Variants in PACSIN1 observed in about 807,000 individuals in gnomAD.
PACSIN1 encodes protein kinase C and casein kinase substrate in neurons 1, also known as protein kinase C and casein kinase substrate in neurons protein 1.
Under a neutral mutation model 59.5 loss-of-function variants are expected in PACSIN1, and 15 were observed. That is an observed-to-expected ratio of 0.25 (90% CI 0.17 to 0.39). PACSIN1 has a LOEUF of 0.39. PACSIN1 is among the 10% of genes least tolerant of loss of function. PACSIN1 has a pLI of 1.00. For missense variants in PACSIN1, 420 were observed against 580.2 expected (o/e 0.72, Z 2.84); for synonymous variants, 210 against 220.6 (o/e 0.95, Z 0.42).
In PACSIN1 at chr6:34,477,420, A is replaced by C. The variant is rs573803548; in HGVS notation, c.-64+11150A>C. Among the ~76,000 whole-genome samples the C allele has an allele frequency of 6.6e-5, 10 of 151,718 alleles. No homozygotes were observed. The East Asian group carries it at 1.4e-3, about 21-fold the overall frequency. ...AAAAAAAGAAGAAAGAAAGAAAGAAAATCATGTCCATCTCACTGTGGGTGT... is the reference window on the plus strand; with the variant it reads ...AAAAAAAGAAGAAAGAAAGAAAGAACATCATGTCCATCTCACTGTGGGTGT... On this transcript the variant is annotated intron_variant, in intron 1 of 9. Transcript: ENST00000244458.
At chr6:34,496,090 T>C (rs1160640341) in intron 1 of PACSIN1, among the ~76,000 whole-genome samples, 1 of 152,172 alleles carries the variant, frequency 6.6e-6, no homozygotes, top group African/African-American at 2.4e-5. Flanking sequence ...AGGCAGCAAG[T>C]TGTGCAGATG....
chr6:34,509,037 T>G (rs537143002), intron 1 of PACSIN1, among the ~76,000 whole-genome samples: 9 of 152,336 alleles, frequency 5.9e-5, no homozygotes, highest in African/African-American at 2.2e-4. Context: ...ATTTGTCTAT[T>G]TTTGTTTTTG....
At chr6:34,480,603 G>A (rs1766703090) in intron 1 of PACSIN1, among the ~76,000 whole-genome samples, 1 of 151,968 alleles carries the variant, frequency 6.6e-6, no homozygotes, top group Non-Finnish European at 1.5e-5. Context: ...ACAGACATCA[G>A]GGTTTTTTTC....
intron 1 of PACSIN1, among the ~76,000 whole-genome samples, chr6:34,490,997 A>T (rs1766868356): frequency 6.6e-6 from 1 of 151,964 alleles, no homozygotes; most frequent in Non-Finnish European, 1.5e-5. Context: ...GTCTTCGAGC[A>T]GGGGGAGTGC....
In PACSIN1 at chr6:34,493,836, C is replaced by T. The variant is rs1766911359; in HGVS notation, c.-64+27566C>T. ...AGCTCCTTTCAGCATGGGATTCCAG[C>T]TATCAGATGTGGGAAGGGAGCAGGG... On this transcript the variant is annotated intron_variant, in intron 1 of 9. Transcript: ENST00000244458. Among the ~76,000 whole-genome samples the T allele has an allele frequency of 2.0e-5, 3 of 152,212 alleles. No individual in the cohort carries two copies. In the South Asian group the frequency reaches 6.2e-4, roughly 32 times the overall value.
In PACSIN1 at chr6:34,530,614, G is replaced by A; in HGVS notation, c.1037+27G>A. The A allele has an allele frequency of 6.6e-7, 1 of 1,522,392 alleles. No individual in the cohort carries two copies. The highest frequency in any genetic ancestry group is 1.3e-5 in the South Asian group (1 of 76,498). The allele number at this position is 1,522,392 out of a possible 1,614,324, so 94.3% of individuals were successfully genotyped here. A position where few individuals can be genotyped will look rare whatever the true frequency, so the allele number is the denominator to read the frequency against. On this transcript the variant is annotated intron_variant, in intron 8 of 9. Transcript: ENST00000244458. The surrounding 1 kb of genome is among the most constrained non-coding windows in gnomAD (Gnocchi z 4.4). Reference sequence around the variant, plus strand: ...TGAGTGCCTCCTGTGGAGCTTCCTGGGGCCAAGAGGGACCCACACTCTGGG... The same window carrying A: ...TGAGTGCCTCCTGTGGAGCTTCCTGAGGCCAAGAGGGACCCACACTCTGGG...
intron 1 of PACSIN1, among the ~76,000 whole-genome samples, chr6:34,501,292 A>G (rs896935121): frequency 9.2e-5 from 14 of 152,222 alleles, no homozygotes; most frequent in African/African-American, 3.1e-4. Flanking sequence ...GTAGACAAAA[A>G]TCTTTTTTCA....
chr6:34,466,313 G>C (rs1164884234), intron 1 of PACSIN1, 43 bp downstream of exon 1: 1 of 152,458 alleles, frequency 6.6e-6, no homozygotes, highest in African/African-American at 2.4e-5. Context: ...GGGGTTGTGT[G>C]TGCGGGTGTC....
Position 34,515,354 on chromosome 6 carries a change from C to T in PACSIN1, c.-63-10889C>T, listed in dbSNP as rs1185984342. ...CAGGTCCTGACTTTGTAGCCATGCC[C>T]CCTCCTTGGGGCAGCAGGCCGAGGG... is the stretch of plus-strand genomic sequence containing the variant. On this transcript the variant is annotated intron_variant, in intron 1 of 9. Transcript: ENST00000244458. This position sits in a 1 kb window ranked among gnomAD's most constrained non-coding sequence, Gnocchi z 4.4. Among the ~76,000 whole-genome samples the T allele has an allele frequency of 1.3e-5, 2 of 152,186 alleles. No homozygotes were observed. Among genetic ancestry groups the T allele is most frequent in the Non-Finnish European group, 2.9e-5 (2 of 68,020 alleles).
At chr6:34,528,989 T>C (rs1767539534) in intron 4 of PACSIN1, 112 bp downstream of exon 4, 1 of 811,226 alleles carries the variant, frequency 1.2e-6, no homozygotes, top group Admixed American at 2.2e-5. Context: ...CCCTCTGGGA[T>C]TGTGCCCACA....
intron 2 of PACSIN1, 74 bp downstream of exon 2, chr6:34,526,442 C>T: frequency 7.9e-7 from 1 of 1,259,278 alleles, no homozygotes; most frequent in Non-Finnish European, 1.1e-6. Flanking sequence ...CCTTATCACT[C>T]ACCCCATGAC....
At position 34,531,953 on chromosome 6, in the gene PACSIN1, T is replaced by C. The variant is rs947720800; in HGVS notation, c.1225+166T>C. ...GCTTGGGTCTGGATTGGGTGTGTGGTGGGGCAGGGGTGGTGCCTGAAAGAG... is the reference window on the plus strand; with the variant it reads ...GCTTGGGTCTGGATTGGGTGTGTGGCGGGGCAGGGGTGGTGCCTGAAAGAG... On this transcript the variant is annotated intron_variant, in intron 9 of 9. Transcript: ENST00000244458. The surrounding 1 kb of genome is among the most constrained non-coding windows in gnomAD (Gnocchi z 4.4). 6.6e-6 allele frequency among the ~76,000 whole-genome samples: 1 copy of C among 150,832 alleles called. No individual in the cohort carries two copies. The highest frequency in any genetic ancestry group is 2.4e-5 in the African/African-American group (1 of 40,892).
At chr6:34,467,433 C>G (rs1766511823) in intron 1 of PACSIN1, among the ~76,000 whole-genome samples, 1 of 152,120 alleles carries the variant, frequency 6.6e-6, no homozygotes, top group African/African-American at 2.4e-5. Flanking sequence ...AATGTAAACT[C>G]TGGGAAATAG....
intron 1 of PACSIN1, among the ~76,000 whole-genome samples, chr6:34,468,375 C>T (rs140237133): frequency 1.3e-5 from 2 of 152,206 alleles, no homozygotes; most frequent in Non-Finnish European, 2.9e-5. Context: ...AGGGACTCAA[C>T]CCCCTCCCTC....
At chr6:34,528,493 G>A (rs905403419) in intron 3 of PACSIN1, 149 bp from the exon 4 acceptor site, 3 of 648,402 alleles carry the variant, frequency 4.6e-6, no homozygotes, top group Non-Finnish European at 5.5e-6. Context: ...GGTGGCTGAT[G>A]TGGGCCCTAG....
Position 34,533,596 on chromosome 6 carries a change from G to A in PACSIN1, c.*1066G>A, listed in dbSNP as rs1191531926. 5.9e-5 allele frequency: 9 copies of A among 152,352 alleles called. No individual in the cohort carries two copies. Among genetic ancestry groups the A allele is most frequent in the Admixed American group, 2.6e-4 (4 of 15,288 alleles). 9.4% of individuals were successfully genotyped at this position (152,352 alleles called of 1,614,324 possible). A position where few individuals can be genotyped will look rare whatever the true frequency, so the allele number is the denominator to read the frequency against. Reference sequence around the variant, plus strand: ...AGGCTCTTGGCCTAACCATTCCTCTGTCCTCTTCTCTGGCCTGCCTGGGGA... The same window carrying A: ...AGGCTCTTGGCCTAACCATTCCTCTATCCTCTTCTCTGGCCTGCCTGGGGA... On this transcript the variant is annotated 3_prime_UTR_variant, in exon 10 of 10. Coordinates refer to ENST00000244458, the MANE Select transcript of PACSIN1 (RefSeq NM_020804.5).
At chr6:34,476,155 G>A (rs575331400) in intron 1 of PACSIN1, among the ~76,000 whole-genome samples, 3 of 152,240 alleles carry the variant, frequency 2.0e-5, no homozygotes, top group South Asian at 2.1e-4. Flanking sequence ...CGCCACCACC[G>A]TGGTTACCCC....
In PACSIN1 at chr6:34,531,712, G is replaced by A. The variant is rs373593502; in HGVS notation, c.1150G>A (p.Asp384Asn). Residue 384 changes from aspartate to asparagine, a missense_variant, in exon 9 of 10, where the codon GAC becomes AAC. Asp to Asn is a conservative substitution (Grantham distance 23, BLOSUM62 1). Coordinates refer to ENST00000244458, the MANE Select transcript of PACSIN1 (RefSeq NM_020804.5). This position sits in a 1 kb window ranked among gnomAD's most constrained non-coding sequence, Gnocchi z 4.4. Reference sequence around the variant, plus strand: ...CGGGGGCGCCAACCCCTTTGAGGACGACTCCAAGGGAGTGCGCGTGCGGGC... The same window carrying A: ...CGGGGGCGCCAACCCCTTTGAGGACAACTCCAAGGGAGTGCGCGTGCGGGC... ...TNGGANPFED[D>N]SKGVRVRALY... 6.2e-7 allele frequency: 1 copy of A among 1,610,930 alleles called. No homozygotes were observed. The highest frequency in any genetic ancestry group is 8.5e-7 in the Non-Finnish European group (1 of 1,178,370).
At chr6:34,483,001 C>CTTTTTTTTTTTTTTTTT (rs34111587) in intron 1 of PACSIN1, among the ~76,000 whole-genome samples, 1 of 112,018 alleles carries the variant, frequency 8.9e-6, no homozygotes, top group Non-Finnish European at 1.7e-5. Flanking sequence ...CCATGTTTAA[C>CTTTTTTTTTTTTTTTTT]TTTTTTTTTT....
Sources: gnomAD v4.1 joint callset for allele counts (sites outside exome capture counted in the v4.1 genomes callset) on GRCh38, gnomAD v4.1.1 for gene constraint, Gnocchi (gnomAD v3.1) non-coding constraint, MANE v1.5 for transcripts, NCBI Gene and HGNC (gene_info 2026-07-23, HGNC 2026-07-21) for gene names.